Variants in SFRP5 observed in about 807,000 individuals in gnomAD.
SFRP5 encodes secreted frizzled-related protein 5.
SFRP5 carries 22 observed loss-of-function variants against 27.0 expected under a neutral mutation model. That is an observed-to-expected ratio of 0.82 (90% CI 0.58 to 1.17). SFRP5 has a LOEUF of 1.17. SFRP5 is among the 50% of genes most tolerant of loss of function. The probability of loss-of-function intolerance (pLI) is 0.00; values close to 1 mark genes in which losing one functional copy is unlikely to be tolerated. For synonymous variants in SFRP5, 171 were observed against 195.0 expected, an observed-to-expected ratio of 0.88 and a Z score of 1.03; for missense variants, 406 against 436.6, an observed-to-expected ratio of 0.93 and a Z score of 0.63.
chr10:97,771,460 C>A lies in SFRP5; in HGVS notation c.374G>T (p.Arg125Leu), dbSNP rs757444283. 2 of 1,612,450 alleles carry A rather than the reference C, an allele frequency of 1.2e-6. No homozygotes were observed. Among genetic ancestry groups the A allele is most frequent in the Admixed American group, 1.7e-5 (1 of 59,940 alleles). ...GGCGCGCACGGCCTCGCACAGCGAG[C>A]GGCACGGGTAGATGGGCCGGTCGAG... ...VCLDRPIYPC[R>L]SLCEAVRAGC... The change falls in exon 1 of 3, where the codon CGC (arginine) becomes CTC (leucine). Residue 125 changes from arginine to leucine, a missense_variant. Coordinates refer to ENST00000266066, the MANE Select transcript of SFRP5 (RefSeq NM_003015.3). This position sits in a 1 kb window ranked among gnomAD's most constrained non-coding sequence, Gnocchi z 5.2.
At chr10:97,770,262 G>T (rs2049507362) in intron 1 of SFRP5, among the ~76,000 whole-genome samples, 2 of 152,176 alleles carry the variant, frequency 1.3e-5, no homozygotes, top group Admixed American at 1.3e-4. Flanking sequence ...TAGAGACGGG[G>T]TTTCACCATG....
At chr10:97,770,711 G>A (rs951693430) in intron 1 of SFRP5, among the ~76,000 whole-genome samples, 4 of 152,204 alleles carry the variant, frequency 2.6e-5, no homozygotes, top group South Asian at 4.1e-4. Flanking sequence ...AGCCTTACCC[G>A]AATGACTCCC....
Position 97,771,703 on chromosome 10 carries a change from C to T in SFRP5, c.131G>A (p.Gly44Asp), listed in dbSNP as rs546960094. ...YYGWQAEPLH[G>D]RSYSKPPQCL... ...CTGCGGCGGCTTGGAGTAGGAGCGG[C>T]CGTGCAGCGGCTCGGCCTGCCAGCC... Residue 44 changes from glycine to aspartate, a missense_variant, in exon 1 of 3, where the codon GGC becomes GAC. By Grantham distance (94) the Gly-to-Asp change is moderately conservative (BLOSUM62 -1). Transcript: ENST00000266066. The surrounding 1 kb of genome is among the most constrained non-coding windows in gnomAD (Gnocchi z 5.2). The T allele has an allele frequency of 6.6e-5, 105 of 1,597,988 alleles. No individual in the cohort carries two copies. In the Admixed American group the frequency reaches 1.7e-3, roughly 26 times the overall value.
Position 97,771,619 on chromosome 10 carries a change from C to G in SFRP5, c.215G>C (p.Arg72Pro). Residue 72 changes from arginine (R) to proline (P), a missense_variant, in exon 1 of 3, where the codon CGG (arginine) becomes CCG (proline). Physicochemically the swap from Arg to Pro is moderately radical, Grantham distance 103. Transcript: ENST00000266066. This position sits in a 1 kb window ranked among gnomAD's most constrained non-coding sequence, Gnocchi z 5.2. ...CTCGTGCTCCAGCAGGTTGGGCAGC[C>G]GCATGCGCTTGTAGCCCACCGTGTG... ...LCHTVGYKRMRLPNLLEHESL... is the reference protein window; with the variant it reads ...LCHTVGYKRMPLPNLLEHESL... The G allele has an allele frequency of 1.9e-6, 3 of 1,609,868 alleles. No individual in the cohort carries two copies. The highest frequency in any genetic ancestry group is 2.5e-6 in the Non-Finnish European group (3 of 1,179,584).
At position 97,769,880 on chromosome 10, in the gene SFRP5, T is replaced by C. The variant is rs541650983; in HGVS notation, c.530-135A>G. ...AAGCCTCTACTTCCTTATCAGGAGA[T>C]GGGATGATGGCAATCATATCACTAC... On this transcript the variant is annotated intron_variant, in intron 1 of 2. Coordinates refer to ENST00000266066, the MANE Select transcript of SFRP5 (RefSeq NM_003015.3). 53 of 667,716 alleles carry C rather than the reference T, an allele frequency of 7.9e-5. No homozygotes were observed. The East Asian group carries it at 1.4e-3, about 17-fold the overall frequency. 41.4% of individuals were successfully genotyped at this position (667,716 alleles called of 1,614,324 possible).
intron 2 of SFRP5, 109 bp from the exon 3 acceptor site, chr10:97,767,969 C>T: frequency 1.4e-6 from 1 of 726,294 alleles, no homozygotes; most frequent in South Asian, 2.3e-5. Context: ...GAGCCTGATG[C>T]CCTGCGGGGC....
chr10:97,771,850 G>A lies in SFRP5; in HGVS notation c.-17C>T, dbSNP rs2049520555. The A allele has an allele frequency of 1.3e-5, 14 of 1,062,220 alleles. No individual in the cohort carries two copies. Among genetic ancestry groups the A allele is most frequent in the Non-Finnish European group, 1.5e-5 (13 of 881,298 alleles). The allele number at this position is 1,062,220 out of a possible 1,614,324, so 65.8% of individuals were successfully genotyped here. A position where few individuals can be genotyped will look rare whatever the true frequency, so the allele number is the denominator to read the frequency against. Reference sequence around the variant, plus strand: ...CGCCCGCATGGCTGCGCCCTCTCCAGGTGCGCGCCGCGCAGCCCCCCGACG... The same window carrying A: ...CGCCCGCATGGCTGCGCCCTCTCCAAGTGCGCGCCGCGCAGCCCCCCGACG... On this transcript the variant is annotated 5_prime_UTR_variant, in exon 1 of 3. Transcript: ENST00000266066. This position sits in a 1 kb window ranked among gnomAD's most constrained non-coding sequence, Gnocchi z 5.2.
At chr10:97,769,096 C>G (rs147299487) in intron 2 of SFRP5, among the ~76,000 whole-genome samples, 45 of 152,306 alleles carry the variant, frequency 3.0e-4, no homozygotes, top group Non-Finnish European at 5.7e-4. Context: ...AAACAGGGAA[C>G]TGACTTGGCA....
chr10:97,767,713 C>T lies in SFRP5; in HGVS notation c.755G>A (p.Gly252Asp), dbSNP rs765021105. 3 of 1,613,816 alleles carry T rather than the reference C, an allele frequency of 1.9e-6. No individual in the cohort carries two copies. The African/African-American group carries it at 4.0e-5, about 22-fold the overall frequency. ...RLVLHMKNGA[G>D]CPCPQLDSLA... ...GCTGTCCAGCTGTGGGCAGGGGCAG[C>T]CCGCGCCATTCTTCATGTGCAGCAC... The change falls in exon 3 of 3, where the codon GGC (glycine) becomes GAC (aspartate). Residue 252 changes from glycine to aspartate, a missense_variant. Transcript: ENST00000266066.
In SFRP5 at chr10:97,771,538, C is replaced by T. The variant is rs1427727312; in HGVS notation, c.296G>A (p.Arg99His). 1.2e-6 allele frequency: 2 copies of T among 1,610,886 alleles called. No homozygotes were observed. The highest frequency in any genetic ancestry group is 8.5e-7 in the Non-Finnish European group (1 of 1,177,988). The change falls in exon 1 of 3, where the codon CGC becomes CAC. Residue 99 changes from arginine to histidine, a missense_variant. Coordinates refer to ENST00000266066, the MANE Select transcript of SFRP5 (RefSeq NM_003015.3). The surrounding 1 kb of genome is among the most constrained non-coding windows in gnomAD (Gnocchi z 5.2). The stretch of plus-strand genomic sequence containing the variant: ...GAAGACCTGCGTATCCGAGTGGCAG[C>T]GCTTGGCCAGCAGCGGCAGCCAGCT... Reference protein sequence around the residue: ...ASSWLPLLAKRCHSDTQVFLC... With the variant: ...ASSWLPLLAKHCHSDTQVFLC...
chr10:97,771,810 C>A lies in SFRP5; in HGVS notation c.24G>T (p.Gly8=), dbSNP rs753591291. Residue 8 remains glycine (G), a synonymous_variant, in exon 1 of 3, where the codon GGG becomes GGT. Coordinates refer to ENST00000266066, the MANE Select transcript of SFRP5 (RefSeq NM_003015.3). This position sits in a 1 kb window ranked among gnomAD's most constrained non-coding sequence, Gnocchi z 5.2. The part of the protein sequence containing the change: MRAAAAG[G]GVRTAALALL... ...GCGCCAGCGCGGCCGTCCGCACGCC[C>A]CCCCCCGCCGCCGCCGCCCGCATGG... 3 of 1,131,838 alleles carry A rather than the reference C, an allele frequency of 2.7e-6. No homozygotes were observed. The highest frequency in any genetic ancestry group is 7.2e-5 in the East Asian group (2 of 27,592). The allele number at this position is 1,131,838 out of a possible 1,614,324, so 70.1% of individuals were successfully genotyped here. A position where few individuals can be genotyped will look rare whatever the true frequency, so the allele number is the denominator to read the frequency against.
At chr10:97,770,932 C>T (rs780369540) in intron 1 of SFRP5, among the ~76,000 whole-genome samples, 75 of 152,240 alleles carry the variant, frequency 4.9e-4, no homozygotes, top group Middle Eastern at 3.4e-3. Flanking sequence ...GTTTAACGAC[C>T]CCAGGCATTC....
chr10:97,768,957 CACAT>C (rs1349193284), intron 2 of SFRP5, among the ~76,000 whole-genome samples: 1 of 152,214 alleles, frequency 6.6e-6, no homozygotes, highest in African/African-American at 2.4e-5. Context: ...CTCTGACACA[CACAT>C]ACACCCCTTG....
Position 97,771,300 on chromosome 10 carries a change from G to A in SFRP5, c.529+5C>T. ...AGCGCGCGGGGACGGCGGCGGCGGC[G>A]CTACCTGGAGGCGCGGTGGCGGGCA... On this transcript the variant is annotated splice_donor_5th_base_variant and intron_variant, in intron 1 of 2. Transcript: ENST00000266066. This position sits in a 1 kb window ranked among gnomAD's most constrained non-coding sequence, Gnocchi z 5.2. 6.5e-7 allele frequency: 1 copy of A among 1,546,574 alleles called. No individual in the cohort carries two copies. Among genetic ancestry groups the A allele is most frequent in the Non-Finnish European group, 8.7e-7 (1 of 1,148,290 alleles).
chr10:97,769,569 T>C, intron 2 of SFRP5, 99 bp downstream of exon 2: 1 of 794,600 alleles, frequency 1.3e-6, no homozygotes, highest in Non-Finnish European at 2.1e-6. Flanking sequence ...ACTGTTGGGA[T>C]TCACTGTGAT....
Position 97,771,200 on chromosome 10 carries a change from G to C in SFRP5, c.529+105C>G. 1.5e-6 allele frequency: 1 copy of C among 666,726 alleles called. No individual in the cohort carries two copies. Among genetic ancestry groups the C allele is most frequent in the South Asian group, 2.0e-5 (1 of 50,834 alleles). 41.3% of individuals were successfully genotyped at this position (666,726 alleles called of 1,614,324 possible). A position where few individuals can be genotyped will look rare whatever the true frequency, so the allele number is the denominator to read the frequency against. On this transcript the variant is annotated intron_variant, in intron 1 of 2. Coordinates refer to ENST00000266066, the MANE Select transcript of SFRP5 (RefSeq NM_003015.3). This position sits in a 1 kb window ranked among gnomAD's most constrained non-coding sequence, Gnocchi z 5.2. ...GAGCTAGGACAGCGTGTGTGTGTGT[G>C]TGTGGGCGGAGGGGGGGAGCTGCAC... is the stretch of plus-strand genomic sequence containing the variant.
At chr10:97,768,075 A>G (rs1247475902) in intron 2 of SFRP5, among the ~76,000 whole-genome samples, 2 of 152,086 alleles carry the variant, frequency 1.3e-5, no homozygotes, top group East Asian at 3.9e-4. Context: ...TCCTCAAGGT[A>G]CAGAAGAGGG....
chr10:97,771,222 G>T lies in SFRP5; in HGVS notation c.529+83C>A. 1.3e-6 allele frequency: 1 copy of T among 799,134 alleles called. No individual in the cohort carries two copies. The highest frequency in any genetic ancestry group is 2.0e-6 in the Non-Finnish European group (1 of 510,642). 49.5% of individuals were successfully genotyped at this position (799,134 alleles called of 1,614,324 possible). A position where few individuals can be genotyped will look rare whatever the true frequency, so the allele number is the denominator to read the frequency against. On this transcript the variant is annotated intron_variant, in intron 1 of 2. Coordinates refer to ENST00000266066, the MANE Select transcript of SFRP5 (RefSeq NM_003015.3). This position sits in a 1 kb window ranked among gnomAD's most constrained non-coding sequence, Gnocchi z 5.2. Reference sequence around the variant, plus strand: ...TGTGTGTGGGCGGAGGGGGGGAGCTGCACCTCTTGGGGGGTTCGCAGAGCT... The same window carrying T: ...TGTGTGTGGGCGGAGGGGGGGAGCTTCACCTCTTGGGGGGTTCGCAGAGCT...
chr10:97,769,636 C>G, intron 2 of SFRP5, 32 bp downstream of exon 2: 1 of 1,498,906 alleles, frequency 6.7e-7, no homozygotes. Context: ...GGGGTGATGT[C>G]GGGGCAGTGG....
Sources: gnomAD v4.1 joint callset for allele counts (sites outside exome capture counted in the v4.1 genomes callset) on GRCh38, gnomAD v4.1.1 for gene constraint, Gnocchi (gnomAD v3.1) non-coding constraint, MANE v1.5 for transcripts, NCBI Gene and HGNC (gene_info 2026-07-23, HGNC 2026-07-21) for gene names.